Variants in TBC1D14 observed in about 807,000 individuals in gnomAD.
TBC1D14 encodes TBC1 domain family member 14, also known as TBC1 domain family, member 14.
In TBC1D14, 26 loss-of-function variants were observed where a neutral mutation model predicts 79.0. That is an observed-to-expected ratio of 0.33 (90% CI 0.24 to 0.46). The LOEUF (loss-of-function observed/expected upper bound fraction) is 0.46, where lower values mean the gene tolerates loss of function less well. Ranked by LOEUF, TBC1D14 falls within the 20% of genes least tolerant of loss-of-function variation. The pLI is 1.00. For missense variants in TBC1D14, 769 were observed against 887.6 expected (o/e 0.87, Z 1.70); for synonymous variants, 394 against 349.9 (o/e 1.13, Z -1.40).
intron 2 of TBC1D14, among the ~76,000 whole-genome samples, chr4:6,931,606 C>T (rs946286837): frequency 2.0e-5 from 3 of 152,276 alleles, no homozygotes; most frequent in Non-Finnish European, 2.9e-5. Context: ...GGTCCAGCCA[C>T]GTTCAGAAAG....
chr4:7,021,358 G>A (rs1721815636), intron 12 of TBC1D14, among the ~76,000 whole-genome samples: 1 of 152,212 alleles, frequency 6.6e-6, no homozygotes, highest in Admixed American at 6.5e-5. Context: ...AGCACTTTGA[G>A]AGGCTGAGGT....
At chr4:6,926,395 G>A (rs1200130157) in intron 2 of TBC1D14, among the ~76,000 whole-genome samples, 3 of 152,178 alleles carry the variant, frequency 2.0e-5, no homozygotes, top group Non-Finnish European at 4.4e-5. Context: ...TTGAAAGGAA[G>A]CATCGTTGGT....
rs1006860791 is a variant in TBC1D14, at chr4:7,031,230, C to G, written c.*838C>G. On this transcript the variant is annotated 3_prime_UTR_variant, in exon 14 of 14. Transcript: ENST00000409757. ...AGAGAAAGAGATGTGTGGCTGGGCCCTCTCCCACCTGCCTGTTCAGTGGAG... is the reference window on the plus strand; with the variant it reads ...AGAGAAAGAGATGTGTGGCTGGGCCGTCTCCCACCTGCCTGTTCAGTGGAG... 2 of 152,326 alleles carry G rather than the reference C, an allele frequency of 1.3e-5. No homozygotes were observed. Among genetic ancestry groups the G allele is most frequent in the South Asian group, 2.1e-4 (1 of 4,836 alleles). The allele number at this position is 152,326 out of a possible 1,614,324, so 9.4% of individuals were successfully genotyped here.
chr4:6,966,999 C>T (rs1380348571), intron 2 of TBC1D14, among the ~76,000 whole-genome samples: 2 of 152,042 alleles, frequency 1.3e-5, no homozygotes, highest in African/African-American at 2.4e-5. Context: ...TTAGTAGAGA[C>T]GGGGTTTCAC....
chr4:6,924,946 A>T (rs1000069459), intron 2 of TBC1D14, among the ~76,000 whole-genome samples: 1 of 152,066 alleles, frequency 6.6e-6, no homozygotes. Context: ...TGAACTCCCG[A>T]ACGGTGGCGT....
intron 4 of TBC1D14, chr4:6,995,275 T>C (rs1171017041): frequency 6.6e-6 from 1 of 152,228 alleles, no homozygotes; most frequent in Non-Finnish European, 1.5e-5. Context: ...GTAGCTAGTA[T>C]GAAATCTGTT....
At position 7,032,015 on chromosome 4, in the gene TBC1D14, TATC is replaced by T. The variant is rs1723105502; in HGVS notation, c.*1626_*1628del. The T allele has an allele frequency of 6.6e-6, 1 of 152,320 alleles. No homozygotes were observed. The highest frequency in any genetic ancestry group is 6.5e-5 in the Admixed American group (1 of 15,294). 9.4% of individuals were successfully genotyped at this position (152,320 alleles called of 1,614,324 possible). A position where few individuals can be genotyped will look rare whatever the true frequency, so the allele number is the denominator to read the frequency against. On this transcript the variant is annotated 3_prime_UTR_variant, in exon 14 of 14. Coordinates refer to ENST00000409757, the MANE Select transcript of TBC1D14 (RefSeq NM_020773.3). ...TGCCCCGTGCCCTCCTTCCCAGCAC[TATC>T]ATGTGTCACGTTTCCCGGACTCTGC... is the stretch of plus-strand genomic sequence containing the variant.
chr4:6,911,778 G>A (rs1485962247), intron 1 of TBC1D14, among the ~76,000 whole-genome samples: 1 of 152,160 alleles, frequency 6.6e-6, no homozygotes, highest in East Asian at 1.9e-4. Context: ...TCTCTCTCCC[G>A]TTGGTCAGAG....
intron 2 of TBC1D14, among the ~76,000 whole-genome samples, chr4:6,966,468 C>T (rs932219276): frequency 6.6e-6 from 1 of 152,194 alleles, no homozygotes; most frequent in Non-Finnish European, 1.5e-5. Flanking sequence ...TGTGAATACT[C>T]ATTATAAATA....
chr4:6,941,633 C>G (rs28425595), intron 2 of TBC1D14, among the ~76,000 whole-genome samples: 1 of 119,532 alleles, frequency 8.4e-6, no homozygotes, highest in East Asian at 3.6e-4. Flanking sequence ...CCTCAGCTTG[C>G]ACATCTGTTC....
chr4:7,028,416 C>T (rs1319557893), intron 13 of TBC1D14, among the ~76,000 whole-genome samples: 2 of 150,768 alleles, frequency 1.3e-5, no homozygotes, highest in East Asian at 1.9e-4. Context: ...CAGTGACGTG[C>T]TGTCAGTTTT....
chr4:7,001,141 C>T lies in TBC1D14; in HGVS notation c.1164-4C>T. Reference sequence around the variant, plus strand: ...CTCAAACTCCTGCTTCTGTTTTTGTCCAGGTGGTGCTCTAGAAAAGTTCGA... The same window carrying T: ...CTCAAACTCCTGCTTCTGTTTTTGTTCAGGTGGTGCTCTAGAAAAGTTCGA... On this transcript the variant is annotated splice_polypyrimidine_tract_variant and splice_region_variant and intron_variant, in intron 6 of 13. Transcript: ENST00000409757. 1 of 1,613,410 alleles carries T rather than the reference C, an allele frequency of 6.2e-7. No homozygotes were observed. Among genetic ancestry groups the T allele is most frequent in the African/African-American group, 1.3e-5 (1 of 75,000 alleles).
chr4:7,028,663 G>C (rs1461718856), intron 13 of TBC1D14, among the ~76,000 whole-genome samples: 2 of 152,064 alleles, frequency 1.3e-5, no homozygotes. Flanking sequence ...CTGACCTCGC[G>C]ATCCACCTAC....
chr4:6,953,027 T>C (rs796489793), intron 2 of TBC1D14, among the ~76,000 whole-genome samples: 64 of 134,906 alleles, frequency 4.7e-4, no homozygotes, highest in South Asian at 2.4e-3. Flanking sequence ...TTCTTTCTTT[T>C]TTTTTTTTTT....
chr4:6,928,179 T>C (rs1560251499), intron 2 of TBC1D14, among the ~76,000 whole-genome samples: 1 of 152,154 alleles, frequency 6.6e-6, no homozygotes, highest in Non-Finnish European at 1.5e-5. Context: ...TTGAACTGCA[T>C]TGAAGGATCA....
At chr4:6,910,637 G>A (rs1365443487) in intron 1 of TBC1D14, 2 of 152,260 alleles carry the variant, frequency 1.3e-5, no homozygotes, top group Non-Finnish European at 2.9e-5. Context: ...CTCCCGCCAG[G>A]AGTCTCTCTA....
intron 13 of TBC1D14, among the ~76,000 whole-genome samples, chr4:7,027,401 C>G (rs548229326): frequency 7.2e-6 from 1 of 138,108 alleles, no homozygotes; most frequent in Non-Finnish European, 1.6e-5. Flanking sequence ...CACACCCACA[C>G]AATCACCCCC....
Position 7,014,569 on chromosome 4 carries a change from T to C in TBC1D14, c.1757+12T>C, listed in dbSNP as rs756909359. The C allele has an allele frequency of 2.4e-5, 38 of 1,558,560 alleles. No homozygotes were observed. The highest frequency in any genetic ancestry group is 3.4e-5 in the Non-Finnish European group (38 of 1,130,416). On this transcript the variant is annotated intron_variant, in intron 12 of 13. Coordinates refer to ENST00000409757, the MANE Select transcript of TBC1D14 (RefSeq NM_020773.3). ...TACCTAATTGATTGGTAAGACTGGCTTTTCCCTGTGTTTTCAGAGCATTTC... is the reference window on the plus strand; with the variant it reads ...TACCTAATTGATTGGTAAGACTGGCCTTTCCCTGTGTTTTCAGAGCATTTC...
Position 6,923,826 on chromosome 4 carries a change from A to G in TBC1D14, c.437A>G (p.Lys146Arg), listed in dbSNP as rs141292073. 442 of 1,614,152 alleles carry G rather than the reference A, an allele frequency of 2.7e-4. 1 individual carries two copies. The highest frequency in any genetic ancestry group is 2.7e-4 in the Admixed American group (16 of 60,020). ...GTAAAGCTCTATAGCCCGACCTCCA[A>G]AGCCCTGACCCGCAGCGATGATGTC... ...DSVKLYSPTS[K>R]ALTRSDDVSV... Residue 146 changes from lysine (K) to arginine (R), a missense_variant, in exon 2 of 14, where the codon AAA becomes AGA. Lys to Arg is a conservative substitution (Grantham distance 26). This residue lies in a region of TBC1D14 where 402 missense variants were observed against 393.2 expected (regional missense o/e 1.02). Transcript: ENST00000409757.
Sources: gnomAD v4.1 joint callset for allele counts (sites outside exome capture counted in the v4.1 genomes callset) on GRCh38, gnomAD v4.1.1 for gene constraint, gnomAD v4.1.1 regional missense constraint, MANE v1.5 for transcripts, NCBI Gene and HGNC (gene_info 2026-07-23, HGNC 2026-07-21) for gene names.